Variants in CAMK2A observed in about 807,000 individuals in gnomAD.
CAMK2A encodes calcium/calmodulin dependent protein kinase II alpha, also known as calcium/calmodulin-dependent protein kinase type II subunit alpha.
CAMK2A carries 7 observed loss-of-function variants against 79.2 expected under a neutral mutation model. The observed-to-expected ratio is 0.09, with a 90% confidence interval of 0.05 to 0.17. The LOEUF (loss-of-function observed/expected upper bound fraction) is 0.17. Ranked by LOEUF, CAMK2A falls within the 10% of genes least tolerant of loss-of-function variation. The pLI, the probability that CAMK2A is intolerant of heterozygous loss-of-function variation, is 1.00. For missense variants in CAMK2A, 214 were observed against 646.4 expected (o/e 0.33, Z 7.25); for synonymous variants, 242 against 251.7 (o/e 0.96, Z 0.36).
chr5:150,259,514 T>C (rs1035996740), intron 3 of CAMK2A, among the ~76,000 whole-genome samples: 1 of 151,954 alleles, frequency 6.6e-6, no homozygotes, highest in Non-Finnish European at 1.5e-5. Flanking sequence ...AGAGTGAGAA[T>C]GTCTCAAAAT....
chr5:150,262,530 C>T (rs572228853), intron 3 of CAMK2A, among the ~76,000 whole-genome samples: 1 of 152,260 alleles, frequency 6.6e-6, no homozygotes, highest in South Asian at 2.1e-4. Context: ...ACCCCCACTC[C>T]CATTCCCCAT....
At chr5:150,230,799 AT>A (rs1754805307) in intron 16 of CAMK2A, among the ~76,000 whole-genome samples, 1 of 152,188 alleles carries the variant, frequency 6.6e-6, no homozygotes, top group East Asian at 1.9e-4. Flanking sequence ...AGGAGTTCAG[AT>A]TCTGCTTAGA....
At position 150,271,807 on chromosome 5, in the gene CAMK2A, G is replaced by C. The variant is rs527341698; in HGVS notation, c.157+1258C>G. On this transcript the variant is annotated intron_variant, in intron 2 of 18. Transcript: ENST00000671881. ...AGTAATGGCAAGAAGCGCATCTCCT[G>C]GGCAGGCTTTCCAAATTTTAACGTC... Among the ~76,000 whole-genome samples the C allele has an allele frequency of 2.6e-5, 4 of 152,302 alleles. No individual in the cohort carries two copies. In the South Asian group the frequency reaches 8.3e-4, roughly 32 times the overall value.
rs576197864 is a variant in CAMK2A at position 150,263,309 on chromosome 5, G to A, written c.217+1647C>T. On this transcript the variant is annotated intron_variant, in intron 3 of 18. Coordinates refer to ENST00000671881, the MANE Select transcript of CAMK2A (RefSeq NM_015981.4). Reference sequence around the variant, plus strand: ...GAACATGAGGAGGCAGTGTTGACCTGAGATAGCTGCAGTTGTGCAGCAACA... The same window carrying A: ...GAACATGAGGAGGCAGTGTTGACCTAAGATAGCTGCAGTTGTGCAGCAACA... Among the ~76,000 whole-genome samples, 4 of 152,200 alleles carry A rather than the reference G, an allele frequency of 2.6e-5. No homozygotes were observed. The East Asian group carries it at 7.7e-4, about 29-fold the overall frequency.
At chr5:150,251,914 A>T in intron 8 of CAMK2A, 68 bp downstream of exon 8, 2 of 1,553,898 alleles carry the variant, frequency 1.3e-6, no homozygotes, top group Non-Finnish European at 1.8e-6. Flanking sequence ...AGTGATGGGA[A>T]AGGAGAGAGG....
intron 15 of CAMK2A, among the ~76,000 whole-genome samples, chr5:150,238,080 T>C (rs368774354): frequency 4.1e-4 from 62 of 152,358 alleles, no homozygotes; most frequent in African/African-American, 1.3e-3. Context: ...AAAAGGAACA[T>C]GTATACCATT....
At chr5:150,251,313 T>C (rs1362092410) in intron 9 of CAMK2A, among the ~76,000 whole-genome samples, 1 of 152,200 alleles carries the variant, frequency 6.6e-6, no homozygotes, top group Non-Finnish European at 1.5e-5. Context: ...ACCTCTACCA[T>C]TTCTTAGCTG....
At chr5:150,236,695 G>A (rs1045893699) in intron 15 of CAMK2A, among the ~76,000 whole-genome samples, 1 of 152,166 alleles carries the variant, frequency 6.6e-6, no homozygotes. Flanking sequence ...TCACTGGGCA[G>A]CTAGCCTCAA....
intron 1 of CAMK2A, among the ~76,000 whole-genome samples, chr5:150,277,500 C>T (rs768462351): frequency 1.4e-4 from 21 of 152,202 alleles, no homozygotes; most frequent in Admixed American, 6.5e-5. Flanking sequence ...GTAAGAGCTA[C>T]GTCTATAAAA....
chr5:150,246,266 C>A (rs956676843), intron 12 of CAMK2A, among the ~76,000 whole-genome samples: 2 of 152,146 alleles, frequency 1.3e-5, no homozygotes, highest in African/African-American at 2.4e-5. Context: ...AGGCAGGGGC[C>A]ACCTCTGGAT....
chr5:150,276,238 A>G (rs1056020970), intron 1 of CAMK2A, among the ~76,000 whole-genome samples: 3 of 152,108 alleles, frequency 2.0e-5, no homozygotes, highest in Non-Finnish European at 4.4e-5. Context: ...CTACATCCCC[A>G]TCTAACTTAG....
At chr5:150,257,857 G>A (rs1756128577) in intron 3 of CAMK2A, among the ~76,000 whole-genome samples, 1 of 152,214 alleles carries the variant, frequency 6.6e-6, no homozygotes, top group African/African-American at 2.4e-5. Flanking sequence ...GCCTGTTTAG[G>A]TCAGAGTTTA....
chr5:150,264,772 C>T (rs556651063), intron 3 of CAMK2A, among the ~76,000 whole-genome samples, 184 bp downstream of exon 3: 12 of 152,264 alleles, frequency 7.9e-5, no homozygotes, highest in Non-Finnish European at 1.3e-4. Flanking sequence ...CACCTTCCCC[C>T]GAAACAAGCT....
chr5:150,265,164 C>T, intron 2 of CAMK2A, 149 bp from the exon 3 acceptor site: 1 of 660,990 alleles, frequency 1.5e-6, no homozygotes, highest in South Asian at 1.7e-5. Context: ...CCTCTGAGTT[C>T]TCCAGGAAGA....
chr5:150,248,947 C>A (rs749037482), intron 11 of CAMK2A, among the ~76,000 whole-genome samples: 1 of 152,214 alleles, frequency 6.6e-6, no homozygotes, highest in South Asian at 2.1e-4. Context: ...CCTGACTTGA[C>A]ACTGTCTGAA....
intron 11 of CAMK2A, among the ~76,000 whole-genome samples, chr5:150,249,896 A>T (rs1374841744): frequency 2.0e-5 from 3 of 152,056 alleles, no homozygotes; most frequent in Non-Finnish European, 4.4e-5. Context: ...CTTATCCTCC[A>T]AGGTCTCAGC....
Position 150,219,775 on chromosome 5 carries a change from C to T in CAMK2A, c.*2935G>A, listed in dbSNP as rs1239200244. On this transcript the variant is annotated 3_prime_UTR_variant, in exon 19 of 19. Coordinates refer to ENST00000671881, the MANE Select transcript of CAMK2A (RefSeq NM_015981.4). Reference sequence around the variant, plus strand: ...GGAGGCCTTGGGTCAGGATTCGCACCATGGTGGGCACAAACCCAGGAGAAC... The same window carrying T: ...GGAGGCCTTGGGTCAGGATTCGCACTATGGTGGGCACAAACCCAGGAGAAC... The T allele has an allele frequency of 1.3e-5, 2 of 152,436 alleles. No homozygotes were observed. Among genetic ancestry groups the T allele is most frequent in the Non-Finnish European group, 2.9e-5 (2 of 68,014 alleles). 9.4% of individuals were successfully genotyped at this position (152,436 alleles called of 1,614,324 possible). A position where few individuals can be genotyped will look rare whatever the true frequency, so the allele number is the denominator to read the frequency against.
chr5:150,280,632 C>G (rs1206967872), intron 1 of CAMK2A, among the ~76,000 whole-genome samples: 1 of 152,052 alleles, frequency 6.6e-6, no homozygotes, highest in African/African-American at 2.4e-5. Context: ...CCCACCCATG[C>G]CTCCTCCCAC....
Position 150,223,027 on chromosome 5 carries a change from G to A in CAMK2A, c.1428C>T (p.Val476=), listed in dbSNP as rs202174183. The A allele has an allele frequency of 5.0e-6, 8 of 1,614,234 alleles. No individual in the cohort carries two copies. Among genetic ancestry groups the A allele is most frequent in the Non-Finnish European group, 6.8e-6 (8 of 1,180,042 alleles). ...WHRRDGKWQI[V]HFHRSGAPSV... ...AGGGCGCCCCAGATCTGTGGAAGTG[G>A]ACGATCTGCCATTTGCCATCCCGGC... The change falls in exon 18 of 19, where the codon GTC becomes GTT. Residue 476 remains valine (V), a synonymous_variant. Transcript: ENST00000671881. This position sits in a 1 kb window ranked among gnomAD's most constrained non-coding sequence, Gnocchi z 4.1.
Sources: allele counts gnomAD v4.1 joint callset (sites outside exome capture counted in the v4.1 genomes callset), GRCh38; gene constraint gnomAD v4.1.1; non-coding constraint Gnocchi (gnomAD v3.1); transcripts MANE v1.5; gene names NCBI Gene and HGNC (gene_info 2026-07-23, HGNC 2026-07-21).